Variants in TIAM2 observed in about 807,000 individuals in gnomAD.
TIAM2 encodes the protein rho guanine nucleotide exchange factor TIAM2.
TIAM2 carries 80 observed loss-of-function variants against 152.9 expected under a neutral mutation model. The observed-to-expected ratio is 0.52, with a 90% CI of 0.44 to 0.63. TIAM2 has a LOEUF of 0.63. Ranked by LOEUF, TIAM2 falls within the 30% of genes least tolerant of loss-of-function variation. TIAM2 has a pLI of 0.00. For synonymous variants in TIAM2, 804 were observed against 838.0 expected, an observed-to-expected ratio of 0.96 and a Z score of 0.70; for missense variants, 1,965 against 2,120.1, an observed-to-expected ratio of 0.93 and a Z score of 1.44.
intron 1 of TIAM2, among the ~76,000 whole-genome samples, chr6:155,018,200 T>C (rs1778631012): frequency 6.7e-6 from 1 of 148,768 alleles, no homozygotes; most frequent in Non-Finnish European, 1.5e-5. Flanking sequence ...TTCCTGCCAC[T>C]GCACTCCAGC....
Position 155,109,471 on chromosome 6 carries a change from A to G in TIAM2, c.-117-18019A>G, listed in dbSNP as rs529892938. Among the ~76,000 whole-genome samples, 5 of 152,364 alleles carry G rather than the reference A, an allele frequency of 3.3e-5. No individual in the cohort carries two copies. In the East Asian group the frequency reaches 7.7e-4, roughly 23 times the overall value. The stretch of plus-strand genomic sequence containing the variant: ...TGGAATAGAAAGAAATAGCAGCAGT[A>G]TTAAAAACAGTAAAAAGTAATAATA... On this transcript the variant is annotated intron_variant, in intron 2 of 26. Coordinates refer to ENST00000682666, the MANE Select transcript of TIAM2 (RefSeq NM_012454.4).
chr6:155,205,182 TAAAAAAAAAAA>T (rs61272546), intron 14 of TIAM2, among the ~76,000 whole-genome samples: 10 of 40,522 alleles, frequency 2.5e-4, no homozygotes, highest in African/African-American at 5.4e-4. Context: ...TATTAATTTC[TAAAAAAAAAAA>T]AAAAAAAAAA....
At chr6:155,199,748 C>A (rs1341022095) in intron 14 of TIAM2, among the ~76,000 whole-genome samples, 5 of 152,166 alleles carry the variant, frequency 3.3e-5, no homozygotes, top group African/African-American at 1.2e-4. Flanking sequence ...AGTCCCATTC[C>A]CTCCTTAAAT....
intron 24 of TIAM2, chr6:155,253,772 A>G: frequency 3.9e-6 from 2 of 510,292 alleles, no homozygotes; most frequent in Non-Finnish European, 3.4e-6. Flanking sequence ...AATCTGCAGC[A>G]GGAAATGTAA....
At position 155,218,345 on chromosome 6, in the gene TIAM2, G is replaced by GA. The variant is rs1781921771; in HGVS notation, c.3168+7039dup. 6.6e-6 allele frequency among the ~76,000 whole-genome samples: 1 copy of GA among 152,204 alleles called. No individual in the cohort carries two copies. Among genetic ancestry groups the GA allele is most frequent in the Admixed American group, 6.5e-5 (1 of 15,278 alleles). The stretch of plus-strand genomic sequence containing the variant: ...GGGGTGTGGCAGTCTCCAGCAGGAA[G>GA]ACAATAATCTGTCACAAAGACCTAA... On this transcript the variant is annotated intron_variant, in intron 15 of 26. Transcript: ENST00000682666. The surrounding 1 kb of genome is among the most constrained non-coding windows in gnomAD (Gnocchi z 4.5).
intron 15 of TIAM2, among the ~76,000 whole-genome samples, chr6:155,227,076 T>TA (rs1374868338): frequency 6.6e-6 from 1 of 152,226 alleles, no homozygotes; most frequent in Non-Finnish European, 1.5e-5. Flanking sequence ...GAAAGGAAAG[T>TA]AGATGTTTGT....
intron 20 of TIAM2, among the ~76,000 whole-genome samples, chr6:155,249,095 T>G (rs1236118515): frequency 1.3e-5 from 2 of 152,240 alleles, no homozygotes; most frequent in Non-Finnish European, 2.9e-5. Context: ...TAGAAGGGTT[T>G]GATTTAAAAA....
chr6:155,016,307 C>T lies in TIAM2; in HGVS notation c.-209+20815C>T, dbSNP rs1277415362. The T allele has an allele frequency of 2.6e-5, 4 of 152,278 alleles. No homozygotes were observed. The South Asian group carries it at 8.3e-4, about 32-fold the overall frequency. 9.4% of individuals were successfully genotyped at this position (152,278 alleles called of 1,614,324 possible). On this transcript the variant is annotated intron_variant, in intron 1 of 26. Coordinates refer to ENST00000682666, the MANE Select transcript of TIAM2 (RefSeq NM_012454.4). ...AACAGTTGGATAAGATGTCACACGTCCATGCCTTGGATTTCTGCACTTGAC... is the reference window on the plus strand; with the variant it reads ...AACAGTTGGATAAGATGTCACACGTTCATGCCTTGGATTTCTGCACTTGAC...
chr6:155,010,274 T>C (rs1381526775), intron 1 of TIAM2, among the ~76,000 whole-genome samples: 1 of 152,190 alleles, frequency 6.6e-6, no homozygotes, highest in African/African-American at 2.4e-5. Context: ...ATAAATTAGC[T>C]TGAGATTTTC....
At chr6:155,122,194 T>C (rs1409769813) in intron 2 of TIAM2, 1 of 152,290 alleles carries the variant, frequency 6.6e-6, no homozygotes, top group East Asian at 1.9e-4. Flanking sequence ...TCCACATTGC[T>C]GCACGCTTCT....
Position 155,257,562 on chromosome 6 carries a change from A to C in TIAM2, c.*441A>C. 1 of 378,302 alleles carries C rather than the reference A, an allele frequency of 2.6e-6. No homozygotes were observed. The highest frequency in any genetic ancestry group is 4.4e-6 in the Non-Finnish European group (1 of 227,756). 23.4% of individuals were successfully genotyped at this position (378,302 alleles called of 1,614,324 possible). A position where few individuals can be genotyped will look rare whatever the true frequency, so the allele number is the denominator to read the frequency against. The stretch of plus-strand genomic sequence containing the variant: ...AATGTGGTTTAGGGGCAAAATGTGC[A>C]GATACTTCATTTTTGTAAGATAGAT... On this transcript the variant is annotated 3_prime_UTR_variant, in exon 27 of 27. Transcript: ENST00000682666.
chr6:155,029,547 T>TATA (rs1562295321), intron 1 of TIAM2, among the ~76,000 whole-genome samples: 11 of 53,364 alleles, frequency 2.1e-4, no homozygotes, highest in African/African-American at 6.7e-4. Flanking sequence ...ATATATATTA[T>TATA]GTAGTATAAA....
At chr6:155,030,417 A>G (rs1469909421) in intron 1 of TIAM2, among the ~76,000 whole-genome samples, 1 of 152,128 alleles carries the variant, frequency 6.6e-6, no homozygotes, top group East Asian at 1.9e-4. Context: ...TTTTGTTACT[A>G]TGATCTCCCG....
At chr6:155,205,830 A>G (rs1436244259) in intron 14 of TIAM2, among the ~76,000 whole-genome samples, 4 of 152,208 alleles carry the variant, frequency 2.6e-5, no homozygotes, top group East Asian at 3.9e-4. Context: ...TTTCTGGGCA[A>G]CAGGAAAAAG....
chr6:154,995,761 A>C lies in TIAM2; in HGVS notation c.-209+269A>C, dbSNP rs923946067. Among the ~76,000 whole-genome samples, 2 of 152,128 alleles carry C rather than the reference A, an allele frequency of 1.3e-5. No individual in the cohort carries two copies. Among genetic ancestry groups the C allele is most frequent in the African/African-American group, 4.8e-5 (2 of 41,438 alleles). ...GCACTTTCCAGAAGGCTCTGAAACTAGGTCCCCTGGTCCCCTCGCGCTGCG... is the reference window on the plus strand; with the variant it reads ...GCACTTTCCAGAAGGCTCTGAAACTCGGTCCCCTGGTCCCCTCGCGCTGCG... On this transcript the variant is annotated intron_variant, in intron 1 of 26. Transcript: ENST00000682666. The surrounding 1 kb of genome is among the most constrained non-coding windows in gnomAD (Gnocchi z 5.2).
Position 155,256,886 on chromosome 6 carries a change from A to T in TIAM2, c.4871A>T (p.Gln1624Leu). ...ESGEGQKGGE[Q>L]PKLVRGHFCP... ...GGTGAGGGTCAGAAAGGAGGAGAGC[A>T]GCCCAAACTGGTCCGGGGGCACTTC... The change falls in exon 27 of 27, where the codon CAG becomes CTG. Residue 1624 changes from glutamine to leucine, a missense_variant. Gln to Leu is a moderately radical substitution (Grantham distance 113). Around this residue, in one of 3 missense-constraint regions of TIAM2, gnomAD observed 935 missense variants for 980.0 expected, o/e 0.95. Transcript: ENST00000682666. 1 of 1,614,240 alleles carries T rather than the reference A, an allele frequency of 6.2e-7. No individual in the cohort carries two copies. The highest frequency in any genetic ancestry group is 8.5e-7 in the Non-Finnish European group (1 of 1,180,044).
rs917353803 is a variant in TIAM2, at chr6:155,209,606, C to A, written c.3065-1598C>A. ...AAAATTTCCCCAGGGACCCTTCATG[C>A]CTTTCGGGTCAGCACTGCCTTCCCT... On this transcript the variant is annotated intron_variant, in intron 14 of 26. Coordinates refer to ENST00000682666, the MANE Select transcript of TIAM2 (RefSeq NM_012454.4). Among the ~76,000 whole-genome samples the A allele has an allele frequency of 1.1e-4, 16 of 152,268 alleles. No homozygotes were observed. The East Asian group carries it at 3.1e-3, about 29-fold the overall frequency.
chr6:155,246,071 T>G (rs1783310214), intron 19 of TIAM2, among the ~76,000 whole-genome samples: 1 of 142,872 alleles, frequency 7.0e-6, no homozygotes, highest in African/African-American at 2.6e-5. Flanking sequence ...GCTATGGTGT[T>G]TTTTTTTTTT....
At chr6:155,229,776 G>A (rs1782382864) in intron 15 of TIAM2, among the ~76,000 whole-genome samples, 1 of 152,158 alleles carries the variant, frequency 6.6e-6, no homozygotes, top group Admixed American at 6.5e-5. Context: ...AAGTTTAATG[G>A]ACTCACAGTT....
Sources: gnomAD v4.1 joint callset for allele counts (sites outside exome capture counted in the v4.1 genomes callset) on GRCh38, gnomAD v4.1.1 for gene constraint, gnomAD v4.1.1 regional missense constraint, Gnocchi (gnomAD v3.1) non-coding constraint, MANE v1.5 for transcripts, NCBI Gene and HGNC (gene_info 2026-07-23, HGNC 2026-07-21) for gene names.